SH3RF3: variants seen among roughly 807,000 people sequenced by gnomAD.
SH3RF3 encodes E3 ubiquitin-protein ligase SH3RF3.
Under a neutral mutation model 66.3 loss-of-function variants are expected in SH3RF3, and 29 were observed. The ratio of observed to expected loss-of-function variants is 0.44; its 90% confidence interval spans 0.33 to 0.60. SH3RF3 has a LOEUF of 0.60. Among genes scored for constraint, SH3RF3 ranks in the 20% least tolerant of loss-of-function variants. The probability of loss-of-function intolerance (pLI) is 0.04; values close to 1 mark genes in which losing one functional copy is unlikely to be tolerated. For synonymous variants in SH3RF3, 583 were observed against 532.0 expected, an observed-to-expected ratio of 1.10 and a Z score of -1.32; for missense variants, 1,194 against 1,190.9, an observed-to-expected ratio of 1.00 and a Z score of -0.04.
chr2:109,449,540 G>C (rs1186265026), intron 8 of SH3RF3, 51 bp downstream of exon 8: 2 of 1,578,466 alleles, frequency 1.3e-6, no homozygotes, highest in Admixed American at 3.7e-5. Flanking sequence ...GCTGCTTACT[G>C]TAACTTTTTG....
At chr2:109,494,930 G>C (rs145929131) in intron 9 of SH3RF3, among the ~76,000 whole-genome samples, 36 of 152,212 alleles carry the variant, frequency 2.4e-4, no homozygotes, top group African/African-American at 8.4e-4. Context: ...GCTCCTCTGA[G>C]AAAGGACTAG....
At chr2:109,230,495 G>A (rs540197580) in intron 1 of SH3RF3, among the ~76,000 whole-genome samples, 44 of 152,240 alleles carry the variant, frequency 2.9e-4, no homozygotes, top group African/African-American at 9.4e-4. Flanking sequence ...CAGGAGAATT[G>A]CTTGAACCTA....
At chr2:109,485,316 C>T (rs1678941401) in intron 8 of SH3RF3, among the ~76,000 whole-genome samples, 1 of 152,242 alleles carries the variant, frequency 6.6e-6, no homozygotes. Flanking sequence ...GTCACATGTA[C>T]AGGTTTACTT....
chr2:109,457,847 C>A (rs1657514415), intron 8 of SH3RF3, among the ~76,000 whole-genome samples: 1 of 152,090 alleles, frequency 6.6e-6, no homozygotes, highest in South Asian at 2.1e-4. Context: ...AAGGTAATGC[C>A]CACACATCAG....
chr2:109,292,157 C>T (rs539060737), intron 1 of SH3RF3, among the ~76,000 whole-genome samples: 22 of 152,258 alleles, frequency 1.4e-4, no homozygotes, highest in Non-Finnish European at 3.1e-4. Context: ...GCTACCGTGC[C>T]TGGCCCCAAT....
chr2:109,199,591 A>AACCCGAG (rs1678603876), intron 1 of SH3RF3, among the ~76,000 whole-genome samples: 2 of 176 alleles, frequency 0.011, no homozygotes, highest in African/African-American at 0.019. Flanking sequence ...ATGGAATGGA[A>AACCCGAG]TGGAATGGAA....
At chr2:109,205,790 C>T (rs934919635) in intron 1 of SH3RF3, among the ~76,000 whole-genome samples, 4 of 152,120 alleles carry the variant, frequency 2.6e-5, no homozygotes, top group Non-Finnish European at 5.9e-5. Context: ...CCTGAAGCAG[C>T]GGGGGGATCA....
chr2:109,455,629 T>C (rs1678031651), intron 8 of SH3RF3, among the ~76,000 whole-genome samples: 1 of 152,342 alleles, frequency 6.6e-6, no homozygotes, highest in East Asian at 1.9e-4. Context: ...TGAAGCTCTT[T>C]TGAGTGGCCA....
intron 9 of SH3RF3, among the ~76,000 whole-genome samples, chr2:109,499,996 T>TA (rs1240568879): frequency 6.6e-6 from 1 of 151,982 alleles, no homozygotes; most frequent in Non-Finnish European, 1.5e-5. Context: ...AGTGAAAAGT[T>TA]ACAGATGGTG....
chr2:109,411,927 G>A (rs1011520080), intron 4 of SH3RF3, among the ~76,000 whole-genome samples: 2 of 152,174 alleles, frequency 1.3e-5, no homozygotes, highest in Admixed American at 6.5e-5. Flanking sequence ...CAGTGAAGCC[G>A]GCAGAATGTC....
intron 1 of SH3RF3, among the ~76,000 whole-genome samples, chr2:109,329,825 G>A (rs941444942): frequency 2.6e-5 from 4 of 152,196 alleles, no homozygotes; most frequent in African/African-American, 9.7e-5. Context: ...GCTTCAGCCA[G>A]TTTTGTAAGG....
At chr2:109,407,460 A>T (rs1371827820) in intron 4 of SH3RF3, among the ~76,000 whole-genome samples, 1 of 152,148 alleles carries the variant, frequency 6.6e-6, no homozygotes, top group Non-Finnish European at 1.5e-5. Flanking sequence ...GGGTCTTATT[A>T]TCTCTGCCAC....
chr2:109,341,489 A>G (rs1682552102), intron 1 of SH3RF3, among the ~76,000 whole-genome samples: 1 of 152,236 alleles, frequency 6.6e-6, no homozygotes, highest in Non-Finnish European at 1.5e-5. Flanking sequence ...TGGCTTGAAA[A>G]ATGCTTACGA....
At chr2:109,221,412 G>T (rs1348310215) in intron 1 of SH3RF3, among the ~76,000 whole-genome samples, 1 of 152,050 alleles carries the variant, frequency 6.6e-6, no homozygotes, top group Admixed American at 6.6e-5. Flanking sequence ...GCAAAACCCT[G>T]TCTCTACTAA....
intron 2 of SH3RF3, among the ~76,000 whole-genome samples, chr2:109,368,536 G>GC (rs1352298584): frequency 6.6e-6 from 1 of 151,312 alleles, no homozygotes; most frequent in Non-Finnish European, 1.5e-5. Context: ...CCTAAAATTG[G>GC]CAACCTTCCT....
chr2:109,264,742 C>T (rs1006393046), intron 1 of SH3RF3, among the ~76,000 whole-genome samples: 2 of 152,200 alleles, frequency 1.3e-5, no homozygotes, highest in African/African-American at 4.8e-5. Flanking sequence ...GTGCCCTTCC[C>T]AGGCCCACTG....
At chr2:109,263,125 C>A (rs1680399750) in intron 1 of SH3RF3, among the ~76,000 whole-genome samples, 1 of 152,306 alleles carries the variant, frequency 6.6e-6, no homozygotes, top group Middle Eastern at 3.4e-3. Context: ...GGATTATAGG[C>A]GTGAGCCACC....
rs151269988 is a variant in SH3RF3, at chr2:109,227,831, G to A, written c.573+97718G>A. On this transcript the variant is annotated intron_variant, in intron 1 of 9. Transcript: ENST00000309415. ...CTTTCCCGAATTCCCGCTCACTCTG[G>A]CAATCTCCCTTGGCCCTTCGGTCGC... Among the ~76,000 whole-genome samples, 128 of 152,314 alleles carry A rather than the reference G, an allele frequency of 8.4e-4. 1 individual carries two copies. The highest frequency in any genetic ancestry group is 9.8e-4 in the Admixed American group (15 of 15,302).
intron 5 of SH3RF3, among the ~76,000 whole-genome samples, chr2:109,424,488 C>A (rs1196522215): frequency 6.7e-6 from 1 of 149,916 alleles, no homozygotes; most frequent in African/African-American, 2.5e-5. Flanking sequence ...ATTTTTTTTA[C>A]AAATTGAAGC....
Sources: gnomAD v4.1 joint callset for allele counts (sites outside exome capture counted in the v4.1 genomes callset) on GRCh38, gnomAD v4.1.1 for gene constraint, MANE v1.5 for transcripts, NCBI Gene and HGNC (gene_info 2026-07-23, HGNC 2026-07-21) for gene names.